The following LIN52 variants were observed in gnomAD, a reference collection of about 807,000 sequenced individuals.
The protein encoded by LIN52 is lin-52 DREAM MuvB core complex component.
Under a neutral mutation model 18.5 loss-of-function variants are expected in LIN52, and 4 were observed. The ratio of observed to expected loss-of-function variants is 0.22; its 90% CI spans 0.11 to 0.49. The LOEUF is 0.49. Ranked by LOEUF, LIN52 falls within the 20% of genes least tolerant of loss-of-function variation. LIN52 has a pLI of 0.97. For missense variants in LIN52, 102 were observed against 139.5 expected (o/e 0.73, Z 1.35); for synonymous variants, 34 against 45.5 (o/e 0.75, Z 1.02).
At chr14:74,095,493 A>G (rs1437115560) in intron 2 of LIN52, among the ~76,000 whole-genome samples, 1 of 152,084 alleles carries the variant, frequency 6.6e-6, no homozygotes. Context: ...CTGATCTTCA[A>G]GGGATCCTCC....
chr14:74,166,613 T>G (rs1471984890), intron 5 of LIN52, among the ~76,000 whole-genome samples: 1 of 152,202 alleles, frequency 6.6e-6, no homozygotes, highest in East Asian at 1.9e-4. Flanking sequence ...ATTTTCTGGG[T>G]GGGAAGCAAC....
At chr14:74,130,295 T>TTTTTC (rs1315000657) in intron 5 of LIN52, among the ~76,000 whole-genome samples, 3 of 140,278 alleles carry the variant, frequency 2.1e-5, no homozygotes, top group Non-Finnish European at 4.7e-5. Flanking sequence ...TTTTTTTTTT[T>TTTTTC]TGAGACAGTC....
At chr14:74,195,556 A>ATGTGTGTGTGTGTG (rs59249126) in intron 5 of LIN52, among the ~76,000 whole-genome samples, 1 of 149,564 alleles carries the variant, frequency 6.7e-6, no homozygotes, top group Non-Finnish European at 1.5e-5. Flanking sequence ...GTGTGTGTGT[A>ATGTGTGTGTGTGTG]TGTGTGTGTG....
intron 5 of LIN52, among the ~76,000 whole-genome samples, chr14:74,138,469 A>C (rs2061110405): frequency 1.3e-5 from 2 of 152,210 alleles, no homozygotes. Flanking sequence ...TATGCATTAT[A>C]AAACTTCAGT....
chr14:74,100,554 C>T (rs1209196410), intron 4 of LIN52, among the ~76,000 whole-genome samples: 1 of 152,158 alleles, frequency 6.6e-6, no homozygotes, highest in Non-Finnish European at 1.5e-5. Flanking sequence ...CAGCTGTCTG[C>T]AACCTTTGCC....
chr14:74,172,109 A>G (rs2061274353), intron 5 of LIN52, among the ~76,000 whole-genome samples: 1 of 152,170 alleles, frequency 6.6e-6, no homozygotes, highest in African/African-American at 2.4e-5. Context: ...GAAACATTGA[A>G]TGCTGTTTCT....
At chr14:74,196,938 T>A (rs531699090) in intron 5 of LIN52, among the ~76,000 whole-genome samples, 1 of 152,292 alleles carries the variant, frequency 6.6e-6, no homozygotes, top group South Asian at 2.1e-4. Flanking sequence ...TAAACTGAGT[T>A]CAAATCCTGT....
chr14:74,123,429 A>T (rs1051883132), intron 5 of LIN52, among the ~76,000 whole-genome samples: 1 of 152,192 alleles, frequency 6.6e-6, no homozygotes, highest in African/African-American at 2.4e-5. Context: ...GCTTAGGTGT[A>T]TATAGGAAGA....
intron 5 of LIN52, among the ~76,000 whole-genome samples, chr14:74,198,172 G>A (rs868791132): frequency 1.3e-5 from 2 of 152,212 alleles, no homozygotes; most frequent in Non-Finnish European, 2.9e-5. Context: ...TCTAAAATGG[G>A]AGACCTCTGG....
At chr14:74,146,399 CT>C (rs1181957234) in intron 5 of LIN52, among the ~76,000 whole-genome samples, 1 of 152,020 alleles carries the variant, frequency 6.6e-6, no homozygotes, top group Non-Finnish European at 1.5e-5. Context: ...GTTAGGGAAT[CT>C]CGTAGCCATG....
intron 5 of LIN52, among the ~76,000 whole-genome samples, chr14:74,177,902 TGA>T (rs556013289): frequency 1.1e-3 from 171 of 152,216 alleles, no homozygotes; most frequent in African/African-American, 4.0e-3. Context: ...CTCAGCCTCC[TGA>T]GTAGCTGGGA....
intron 5 of LIN52, among the ~76,000 whole-genome samples, chr14:74,109,816 G>A (rs931034703): frequency 6.6e-6 from 1 of 152,100 alleles, no homozygotes; most frequent in Non-Finnish European, 1.5e-5. Context: ...CTGCAACTTC[G>A]TTGAACTTAT....
At chr14:74,149,375 C>A (rs1566861189) in intron 5 of LIN52, among the ~76,000 whole-genome samples, 1 of 152,186 alleles carries the variant, frequency 6.6e-6, no homozygotes, top group Non-Finnish European at 1.5e-5. Flanking sequence ...TAAAGCAATT[C>A]TCTAAATTCA....
rs71460958 is a variant in LIN52 at position 74,130,278 on chromosome 14, G to GTTTTTTTTTTTTTTT, written c.283+29044_283+29058dup. Among the ~76,000 whole-genome samples, 608 of 64,724 alleles carry GTTTTTTTTTTTTTTT rather than the reference G, an allele frequency of 9.4e-3. 86 individuals carry two copies. The highest frequency in any genetic ancestry group is 0.032 in the African/African-American group (504 of 15,808). 42.5% of individuals were successfully genotyped at this position (64,724 alleles called of 152,430 possible). On this transcript the variant is annotated intron_variant, in intron 5 of 5. Coordinates refer to ENST00000555028, the MANE Select transcript of LIN52 (RefSeq NM_001024674.3). ...GAATTTATTAGATAGGCATTTTTTG[G>GTTTTTTTTTTTTTTT]TTTTTTTTTTTTTTTTTTGAGACAG... is the stretch of plus-strand genomic sequence containing the variant.
intron 5 of LIN52, among the ~76,000 whole-genome samples, chr14:74,105,920 G>A (rs1336990161): frequency 6.6e-6 from 1 of 152,134 alleles, no homozygotes; most frequent in Non-Finnish European, 1.5e-5. Context: ...TGTGTCTTTT[G>A]GAAGATGAGT....
chr14:74,164,291 T>TC (rs1426784293), intron 5 of LIN52, among the ~76,000 whole-genome samples: 1 of 148,772 alleles, frequency 6.7e-6, no homozygotes, highest in African/African-American at 2.5e-5. Context: ...GTTTTTGTTT[T>TC]TTTTTGCTTT....
At chr14:74,131,469 C>T (rs892351986) in intron 5 of LIN52, among the ~76,000 whole-genome samples, 7 of 152,024 alleles carry the variant, frequency 4.6e-5, no homozygotes, top group Admixed American at 3.9e-4. Context: ...CAGGCGCCTG[C>T]CACCACGACT....
At chr14:74,135,883 T>C (rs568255826) in intron 5 of LIN52, among the ~76,000 whole-genome samples, 21 of 152,210 alleles carry the variant, frequency 1.4e-4, no homozygotes, top group Middle Eastern at 3.4e-3. Context: ...ATCATTCACA[T>C]ACCATAAGGT....
chr14:74,120,340 C>A (rs2060991780), intron 5 of LIN52, among the ~76,000 whole-genome samples: 3 of 151,850 alleles, frequency 2.0e-5, no homozygotes, highest in Admixed American at 6.6e-5. Context: ...AAGTTTTGGC[C>A]AGGCGCAGTG....
Sources: allele counts gnomAD v4.1 joint callset (sites outside exome capture counted in the v4.1 genomes callset), GRCh38; gene constraint gnomAD v4.1.1; transcripts MANE v1.5; gene names NCBI Gene and HGNC (gene_info 2026-07-23, HGNC 2026-07-21).